The following CNTLN variants were observed in gnomAD, a reference collection of about 807,000 sequenced individuals.
CNTLN encodes the protein centlein, centrosomal protein.
A neutral mutation model predicts 180.0 loss-of-function variants in CNTLN; 212 were observed. That is an observed-to-expected ratio of 1.18 (90% CI 1.05 to 1.32). The LOEUF (loss-of-function observed/expected upper bound fraction) is 1.32, where lower values mean the gene tolerates loss of function less well. Ranked by LOEUF, CNTLN falls within the 40% of genes most tolerant of loss-of-function variation. CNTLN has a pLI of 0.00. For synonymous variants in CNTLN, 722 were observed against 563.1 expected, an observed-to-expected ratio of 1.28 and a Z score of -3.99; for missense variants, 2,095 against 1,610.9, an observed-to-expected ratio of 1.30 and a Z score of -5.14.
chr9:17,217,102 A>G (rs942701216), intron 2 of CNTLN, among the ~76,000 whole-genome samples: 4 of 152,266 alleles, frequency 2.6e-5, no homozygotes, highest in African/African-American at 4.8e-5. Flanking sequence ...AACTTTTACA[A>G]TAGATGCAGG....
At chr9:17,499,153 T>C (rs541799772) in intron 25 of CNTLN, among the ~76,000 whole-genome samples, 1 of 152,294 alleles carries the variant, frequency 6.6e-6, no homozygotes, top group Non-Finnish European at 1.5e-5. Context: ...CCAAGGCATG[T>C]TGTATTTTAA....
rs376495518 is a variant in CNTLN, at chr9:17,441,583, C to T, written c.3115-15941C>T. On this transcript the variant is annotated intron_variant, in intron 18 of 25. Coordinates refer to ENST00000380647, the MANE Select transcript of CNTLN (RefSeq NM_017738.4). ...GAAGAAAGTGAAAAAGGAGTCAAAA[C>T]GTGTCACTGCAAAAAAAAAAAAAAA... Among the ~76,000 whole-genome samples, 27 of 142,786 alleles carry T rather than the reference C, an allele frequency of 1.9e-4. 1 individual carries two copies. Among genetic ancestry groups the T allele is most frequent in the Admixed American group, 1.1e-3 (16 of 14,510 alleles). 93.7% of individuals were successfully genotyped at this position (142,786 alleles called of 152,430 possible).
chr9:17,325,565 A>ACG, intron 8 of CNTLN, among the ~76,000 whole-genome samples: 1 of 140,498 alleles, frequency 7.1e-6, no homozygotes, highest in East Asian at 2.0e-4. Flanking sequence ...TTACACACAC[A>ACG]CACACACACA....
the CNTLN span, among the ~76,000 whole-genome samples, chr9:17,525,653 C>A: frequency 3.3e-5 from 5 of 151,914 alleles, no homozygotes; most frequent in African/African-American, 1.2e-4. Flanking sequence ...AATAAATATC[C>A]TTTTAAAAGA....
Position 17,353,538 on chromosome 9 carries a change from C to T in CNTLN, c.1886+11094C>T, listed in dbSNP as rs115845530. Among the ~76,000 whole-genome samples, 176 of 150,332 alleles carry T rather than the reference C, an allele frequency of 1.2e-3. 1 individual carries two copies. Among genetic ancestry groups the T allele is most frequent in the African/African-American group, 3.8e-3 (155 of 41,054 alleles). ...TCTTTGGAGAAATGTCTGTTCGTGT[C>T]CTTTACCTATTTTGAAAACTGGGTT... On this transcript the variant is annotated intron_variant, in intron 12 of 25. Coordinates refer to ENST00000380647, the MANE Select transcript of CNTLN (RefSeq NM_017738.4).
intron 2 of CNTLN, among the ~76,000 whole-genome samples, chr9:17,223,882 C>T (rs1771972822): frequency 6.6e-6 from 1 of 151,984 alleles, no homozygotes; most frequent in Admixed American, 6.6e-5. Context: ...ATCTACTTTA[C>T]TATAAATGTG....
intron 16 of CNTLN, among the ~76,000 whole-genome samples, chr9:17,410,832 C>A (rs1190400914): frequency 6.6e-6 from 1 of 152,054 alleles, no homozygotes; most frequent in African/African-American, 2.4e-5. Context: ...ATCCAATGTA[C>A]GTAAACATAG....
chr9:17,368,773 A>C (rs116535479), intron 13 of CNTLN, among the ~76,000 whole-genome samples: 2,618 of 152,282 alleles, frequency 0.017, 91 homozygotes, highest in African/African-American at 0.06. Context: ...AGTCGGCAAG[A>C]ACCCCAGTCT....
chr9:17,449,932 A>G (rs1386886263), intron 18 of CNTLN, among the ~76,000 whole-genome samples: 1 of 152,248 alleles, frequency 6.6e-6, no homozygotes, highest in African/African-American at 2.4e-5. Flanking sequence ...TGTTTTGAAT[A>G]ATTTGACACT....
intron 23 of CNTLN, among the ~76,000 whole-genome samples, chr9:17,470,493 T>C (rs982665363): frequency 6.6e-6 from 1 of 151,956 alleles, no homozygotes; most frequent in African/African-American, 2.4e-5. Flanking sequence ...CATTTATTCA[T>C]AGGGCGCAAC....
At chr9:17,238,121 C>T (rs943563089) in intron 5 of CNTLN, among the ~76,000 whole-genome samples, 9 of 151,782 alleles carry the variant, frequency 5.9e-5, no homozygotes, top group African/African-American at 2.2e-4. Flanking sequence ...GGGTTATTGT[C>T]TTTTTCTTAT....
At chr9:17,312,371 T>TA (rs1819240347) in intron 8 of CNTLN, among the ~76,000 whole-genome samples, 2 of 127,774 alleles carry the variant, frequency 1.6e-5, no homozygotes, top group African/African-American at 5.9e-5. Context: ...ATATTATATA[T>TA]ATATATATAT....
chr9:17,219,500 A>G (rs1360863100), intron 2 of CNTLN, among the ~76,000 whole-genome samples: 2 of 152,030 alleles, frequency 1.3e-5, no homozygotes, highest in East Asian at 1.9e-4. Flanking sequence ...AGTTTTGATT[A>G]TCTTTCAATT....
chr9:17,435,113 A>T (rs1829684561), intron 18 of CNTLN, among the ~76,000 whole-genome samples: 1 of 152,216 alleles, frequency 6.6e-6, no homozygotes, highest in South Asian at 2.1e-4. Flanking sequence ...GTACGAGACT[A>T]GAAAAACTGT....
chr9:17,474,494 G>A (rs1442599519), intron 23 of CNTLN, among the ~76,000 whole-genome samples: 4 of 152,100 alleles, frequency 2.6e-5, no homozygotes, highest in Non-Finnish European at 5.9e-5. Flanking sequence ...CTTCTTGCTT[G>A]TACCTATGCA....
chr9:17,228,656 C>G (rs372648539), intron 3 of CNTLN, among the ~76,000 whole-genome samples: 13 of 152,048 alleles, frequency 8.5e-5, no homozygotes, highest in African/African-American at 2.7e-4. Flanking sequence ...CTTTCATCCA[C>G]TCTTTAGTCT....
chr9:17,319,027 G>A (rs1819729734), intron 8 of CNTLN, among the ~76,000 whole-genome samples: 1 of 152,208 alleles, frequency 6.6e-6, no homozygotes, highest in African/African-American at 2.4e-5. Flanking sequence ...AAAATGTGTT[G>A]TAATTGAAGT....
rs138260462 is a variant in CNTLN at position 17,193,061 on chromosome 9, A to T, written c.450-33142A>T. Reference sequence around the variant, plus strand: ...TCAGATCTTGTGAGACATTTTCACTACTGTAAGAATAGTATGGGGGAAACT... The same window carrying T: ...TCAGATCTTGTGAGACATTTTCACTTCTGTAAGAATAGTATGGGGGAAACT... On this transcript the variant is annotated intron_variant, in intron 2 of 25. Coordinates refer to ENST00000380647, the MANE Select transcript of CNTLN (RefSeq NM_017738.4). 3.1e-3 allele frequency among the ~76,000 whole-genome samples: 470 copies of T among 152,280 alleles called. 1 individual carries two copies. Among genetic ancestry groups the T allele is most frequent in the Non-Finnish European group, 4.4e-3 (300 of 68,018 alleles).
intron 2 of CNTLN, among the ~76,000 whole-genome samples, chr9:17,211,877 A>T (rs2131971260): frequency 6.6e-6 from 1 of 152,238 alleles, no homozygotes; most frequent in East Asian, 1.9e-4. Context: ...GGTGTATAAG[A>T]ATGCTTGCGA....
Sources: gnomAD v4.1 joint callset for allele counts (sites outside exome capture counted in the v4.1 genomes callset) on GRCh38, gnomAD v4.1.1 for gene constraint, MANE v1.5 for transcripts, NCBI Gene and HGNC (gene_info 2026-07-23, HGNC 2026-07-21) for gene names.